LPAR6: variants seen among roughly 807,000 people sequenced by gnomAD.
LPAR6 encodes the protein G-protein coupled purinergic receptor P2Y5.
In LPAR6, 17 loss-of-function variants were observed where a neutral mutation model predicts 22.0. That is an observed-to-expected ratio of 0.77 (90% CI 0.53 to 1.16). The LOEUF (loss-of-function observed/expected upper bound fraction) is 1.16. LPAR6 is among the 50% of genes most tolerant of loss of function. The probability of loss-of-function intolerance (pLI) is 0.00; values close to 1 mark genes in which losing one functional copy is unlikely to be tolerated. For missense variants in LPAR6, 384 were observed against 406.9 expected, an observed-to-expected ratio of 0.94 and a Z score of 0.48; for synonymous variants, 136 against 139.8, an observed-to-expected ratio of 0.97 and a Z score of 0.19.
chr13:48,411,022 A>G (rs1948790319), downstream of LPAR6: 1 of 153,204 alleles, frequency 6.5e-6, no homozygotes, highest in African/African-American at 2.4e-5. Flanking sequence ...AATATTACAT[A>G]AACATAAATT....
upstream of LPAR6, among the ~76,000 whole-genome samples, chr13:48,430,489 C>A (rs1949117884): frequency 6.6e-6 from 1 of 152,042 alleles, no homozygotes; most frequent in South Asian, 2.1e-4. Flanking sequence ...GCCTATAATC[C>A]CAGCACTTTG....
intron 1 of LPAR6, among the ~76,000 whole-genome samples, chr13:48,440,058 A>C: frequency 6.6e-6 from 1 of 152,272 alleles, no homozygotes; most frequent in South Asian, 2.1e-4. Context: ...GTAGGATTAC[A>C]TTAGAATCTG....
chr13:48,391,759 C>T (rs1322794720), intron 1 of LPAR6, among the ~76,000 whole-genome samples: 3 of 151,384 alleles, frequency 2.0e-5, no homozygotes. Context: ...GCTGGGATTA[C>T]AGGCACACGC....
chr13:48,437,552 T>C (rs1380533376), intron 1 of LPAR6, among the ~76,000 whole-genome samples: 1 of 152,180 alleles, frequency 6.6e-6, no homozygotes, highest in Admixed American at 6.5e-5. Flanking sequence ...GTTTAAGGCT[T>C]CACTGGGATT....
chr13:48,414,939 A>G (rs891956999), upstream of LPAR6, among the ~76,000 whole-genome samples: 3 of 152,140 alleles, frequency 2.0e-5, no homozygotes, highest in African/African-American at 7.2e-5. Flanking sequence ...AGTGGTTAAT[A>G]AGCTTGTATT....
At chr13:48,396,367 G>T (rs1948648317) in intron 1 of LPAR6, among the ~76,000 whole-genome samples, 2 of 152,090 alleles carry the variant, frequency 1.3e-5, no homozygotes, top group South Asian at 4.1e-4. Context: ...TCTGATTTTT[G>T]ACAAACTTGA....
chr13:48,408,943 T>C (rs1289684935), downstream of LPAR6, among the ~76,000 whole-genome samples: 1 of 152,172 alleles, frequency 6.6e-6, no homozygotes, highest in Non-Finnish European at 1.5e-5. Flanking sequence ...TCTCCACCCC[T>C]TTCCCCCAGA....
At chr13:48,436,342 G>T (rs1339236296) in intron 1 of LPAR6, among the ~76,000 whole-genome samples, 1 of 152,096 alleles carries the variant, frequency 6.6e-6, no homozygotes, top group Non-Finnish European at 1.5e-5. Context: ...GAATAATATA[G>T]ATATAGTTAA....
chr13:48,418,318 G>C (rs1230175963), intron 2 of LPAR6, among the ~76,000 whole-genome samples: 2 of 152,140 alleles, frequency 1.3e-5, no homozygotes, highest in Admixed American at 1.3e-4. Context: ...ATCCTTCACA[G>C]ATAAGCAAAT....
At chr13:48,424,880 C>G (rs112919227) in intron 1 of LPAR6, among the ~76,000 whole-genome samples, 1 of 151,914 alleles carries the variant, frequency 6.6e-6, no homozygotes, top group Non-Finnish European at 1.5e-5. Flanking sequence ...TGGTGAAACT[C>G]TGTCTCTACT....
At chr13:48,414,793 G>A (rs962626231), upstream of LPAR6, among the ~76,000 whole-genome samples, 4 of 152,038 alleles carry the variant, frequency 2.6e-5, no homozygotes, top group Non-Finnish European at 2.9e-5. Flanking sequence ...AAAAAAAGAT[G>A]AGTATTACTT....
intron 1 of LPAR6, among the ~76,000 whole-genome samples, chr13:48,403,615 T>A (rs1299886633): frequency 1.3e-5 from 2 of 152,082 alleles, no homozygotes; most frequent in Admixed American, 1.3e-4. Flanking sequence ...AAAGTGCTGT[T>A]TGGCAATGGT....
Position 48,432,427 on chromosome 13 carries a change from G to GTT in LPAR6, c.-1473-8310_-1473-8309dup, listed in dbSNP as rs199873207. On this transcript the variant is annotated intron_variant, in intron 1 of 6. Transcript: ENST00000378434. ...ATAGGAATGCATGTTTTGTTTTTTT[G>GTT]TTTTTTTTTTTGGGCTACTTGCCAG... Among the ~76,000 whole-genome samples the GTT allele has an allele frequency of 5.1e-5, 7 of 136,722 alleles. No individual in the cohort carries two copies. The East Asian group carries it at 8.2e-4, about 16-fold the overall frequency. 89.7% of individuals were successfully genotyped at this position (136,722 alleles called of 152,430 possible).
chr13:48,415,428 C>T (rs561862175), upstream of LPAR6, among the ~76,000 whole-genome samples: 26 of 151,918 alleles, frequency 1.7e-4, no homozygotes, highest in South Asian at 1.2e-3. Flanking sequence ...TATGGGCACC[C>T]GCCACCACAC....
chr13:48,409,512 A>G (rs1473872986), downstream of LPAR6, among the ~76,000 whole-genome samples: 2 of 149,212 alleles, frequency 1.3e-5, no homozygotes, highest in Non-Finnish European at 3.0e-5. Context: ...ATTTAATTAC[A>G]TGTCCTTTTC....
intron 1 of LPAR6, among the ~76,000 whole-genome samples, chr13:48,439,014 G>T (rs1000275591): frequency 6.6e-6 from 1 of 152,150 alleles, no homozygotes; most frequent in Admixed American, 6.6e-5. Context: ...AATTGTAGGG[G>T]TAAACAGCAA....
At chr13:48,408,468 A>G (rs1192400847), downstream of LPAR6, among the ~76,000 whole-genome samples, 6 of 152,114 alleles carry the variant, frequency 3.9e-5, no homozygotes. Flanking sequence ...CCGTTTTATG[A>G]AAATGTTAAT....
chr13:48,429,864 G>A (rs1949112201), upstream of LPAR6, among the ~76,000 whole-genome samples: 1 of 152,104 alleles, frequency 6.6e-6, no homozygotes, highest in Admixed American at 6.6e-5. Flanking sequence ...GCAAAGTGCA[G>A]GATGTAGATG....
rs367788266 is a variant in LPAR6, at chr13:48,411,540, G to C, written c.884C>G (p.Ser295Trp). 14 of 1,613,416 alleles carry C rather than the reference G, an allele frequency of 8.7e-6. No individual in the cohort carries two copies. Among genetic ancestry groups the C allele is most frequent in the African/African-American group, 1.3e-5 (1 of 74,878 alleles). The stretch of plus-strand genomic sequence containing the variant: ...TTTTATTGAATTCTGAATTGTGTCC[G>C]ATGTAAAGTAGTAAACTATAGGGTC... Reference protein sequence around the residue: ...CFDPIVYYFTSDTIQNSIKMK... With the variant: ...CFDPIVYYFTWDTIQNSIKMK... Residue 295 changes from serine to tryptophan, a missense_variant, in exon 1 of 1, where the codon TCG (serine) becomes TGG (tryptophan). Transcript: ENST00000620633.
Sources: gnomAD v4.1 joint callset for allele counts (sites outside exome capture counted in the v4.1 genomes callset) on GRCh38, gnomAD v4.1.1 for gene constraint, MANE v1.5 for transcripts, NCBI Gene and HGNC (gene_info 2026-07-23, HGNC 2026-07-21) for gene names.